The following ARFIP1 variants were observed in gnomAD, a reference collection of about 807,000 sequenced individuals.
ARFIP1 encodes arfaptin-1.
ARFIP1 carries 24 observed loss-of-function variants against 42.5 expected under a neutral mutation model. That is an observed-to-expected ratio of 0.57 (90% CI 0.41 to 0.80). The LOEUF (loss-of-function observed/expected upper bound fraction) is 0.80, where lower values mean the gene tolerates loss of function less well. ARFIP1 is among the 30% of genes least tolerant of loss of function. The pLI, the probability that ARFIP1 is intolerant of heterozygous loss-of-function variation, is 0.00. For missense variants in ARFIP1, 354 were observed against 434.0 expected (o/e 0.82, Z 1.64); for synonymous variants, 141 against 153.7 (o/e 0.92, Z 0.61).
Position 152,880,685 on chromosome 4 carries a change from C to T in ARFIP1, c.412-278C>T, listed in dbSNP as rs1332790387. ...AAATATCTCTGTTTTAGATAATCTA[C>T]CCAAATGTACTAAACTTGCAAAATA... is the stretch of plus-strand genomic sequence containing the variant. On this transcript the variant is annotated intron_variant, in intron 5 of 8. Transcript: ENST00000353617. 2.0e-5 allele frequency among the ~76,000 whole-genome samples: 3 copies of T among 152,248 alleles called. No homozygotes were observed. The South Asian group carries it at 6.2e-4, about 32-fold the overall frequency.
chr4:152,831,547 T>G (rs1045393174), intron 2 of ARFIP1, among the ~76,000 whole-genome samples: 13 of 152,338 alleles, frequency 8.5e-5, no homozygotes, highest in African/African-American at 2.9e-4. Context: ...TGTAGAACAT[T>G]TCCAGGACCT....
chr4:152,805,113 A>G (rs147779190), intron 1 of ARFIP1, among the ~76,000 whole-genome samples: 1 of 152,322 alleles, frequency 6.6e-6, no homozygotes, highest in East Asian at 1.9e-4. Flanking sequence ...AAGGTATCAA[A>G]CAAATTTTAT....
intron 2 of ARFIP1, among the ~76,000 whole-genome samples, chr4:152,858,876 A>G (rs1033686844): frequency 1.3e-5 from 2 of 152,130 alleles, no homozygotes; most frequent in African/African-American, 4.8e-5. Flanking sequence ...GGGGATTGCT[A>G]TGTTGTATGT....
At position 152,870,816 on chromosome 4, in the gene ARFIP1, C is replaced by A; in HGVS notation, c.266C>A (p.Ala89Asp). 3 of 1,614,026 alleles carry A rather than the reference C, an allele frequency of 1.9e-6. No homozygotes were observed. Among genetic ancestry groups the A allele is most frequent in the Non-Finnish European group, 2.5e-6 (3 of 1,179,914 alleles). The change falls in exon 4 of 9, where the codon GCT (alanine) becomes GAT (aspartate). Residue 89 changes from alanine to aspartate, a missense_variant. Ala to Asp is a moderately radical substitution (Grantham distance 126). Transcript: ENST00000353617. ...SPSRVAASRL[A>D]QQGSDLIVPA... ...AGCAGGGTTGCAGCTAGTCGACTGG[C>A]TCAGCAAGGAAGTGATTTAATTGTT... is the stretch of plus-strand genomic sequence containing the variant.
intron 1 of ARFIP1, among the ~76,000 whole-genome samples, chr4:152,808,639 A>G (rs1270356310): frequency 6.6e-6 from 1 of 152,074 alleles, no homozygotes; most frequent in Non-Finnish European, 1.5e-5. Flanking sequence ...CATACTGGCT[A>G]CTACTTGGTT....
rs1411743098 is a variant in ARFIP1, at chr4:152,870,857, T to C, written c.298+9T>C. Reference sequence around the variant, plus strand: ...TTTAATTGTTCCTGCAGGTATTCACTGCACTGATTGGATAAAGCACTTATT... The same window carrying C: ...TTTAATTGTTCCTGCAGGTATTCACCGCACTGATTGGATAAAGCACTTATT... On this transcript the variant is annotated intron_variant, in intron 4 of 8. Transcript: ENST00000353617. The C allele has an allele frequency of 1.9e-6, 3 of 1,601,998 alleles. No homozygotes were observed. The highest frequency in any genetic ancestry group is 1.1e-5 in the South Asian group (1 of 90,796).
chr4:152,816,264 C>G (rs2149836227), intron 1 of ARFIP1, among the ~76,000 whole-genome samples: 1 of 152,322 alleles, frequency 6.6e-6, no homozygotes, highest in South Asian at 2.1e-4. Context: ...TCATCTTACT[C>G]AGAATAAAAT....
intron 1 of ARFIP1, among the ~76,000 whole-genome samples, chr4:152,828,916 G>A (rs961389739): frequency 3.9e-5 from 6 of 152,170 alleles, no homozygotes; most frequent in Non-Finnish European, 8.8e-5. Context: ...AGATCTTTAT[G>A]TGGATTCATT....
intron 5 of ARFIP1, among the ~76,000 whole-genome samples, chr4:152,877,997 A>G (rs1735512064): frequency 6.6e-6 from 1 of 152,190 alleles, no homozygotes; most frequent in African/African-American, 2.4e-5. Flanking sequence ...AAATGGACTA[A>G]TACACTACTT....
intron 1 of ARFIP1, among the ~76,000 whole-genome samples, chr4:152,819,260 G>A (rs1176968875): frequency 2.0e-5 from 3 of 152,188 alleles, no homozygotes; most frequent in African/African-American, 7.2e-5. Context: ...TCAGGAAAGA[G>A]AAAACTGTGG....
At chr4:152,819,414 A>G (rs1482386311) in intron 1 of ARFIP1, among the ~76,000 whole-genome samples, 1 of 152,104 alleles carries the variant, frequency 6.6e-6, no homozygotes. Context: ...ATCTCCATCT[A>G]CGTCACTTCC....
intron 1 of ARFIP1, among the ~76,000 whole-genome samples, chr4:152,819,325 C>T (rs1035871601): frequency 6.6e-6 from 1 of 152,184 alleles, no homozygotes; most frequent in Non-Finnish European, 1.5e-5. Flanking sequence ...AGAAGGCCTT[C>T]AGTCTGTTCA....
chr4:152,795,151 C>T (rs879618924), intron 1 of ARFIP1, among the ~76,000 whole-genome samples: 10 of 150,882 alleles, frequency 6.6e-5, no homozygotes, highest in African/African-American at 2.2e-4. Flanking sequence ...TCTGGTTTAT[C>T]CTTCCGGTGT....
At chr4:152,840,540 A>G (rs1302702134) in intron 2 of ARFIP1, among the ~76,000 whole-genome samples, 2 of 152,106 alleles carry the variant, frequency 1.3e-5, no homozygotes, top group African/African-American at 2.4e-5. Context: ...TTGCTTTAAA[A>G]TTTGTTTTGT....
chr4:152,844,986 A>G (rs1357665321), intron 2 of ARFIP1, among the ~76,000 whole-genome samples: 1 of 152,216 alleles, frequency 6.6e-6, no homozygotes, highest in Non-Finnish European at 1.5e-5. Flanking sequence ...TAACCAAAAC[A>G]TCATGGTACT....
chr4:152,904,215 G>A (rs1294989114), intron 8 of ARFIP1, among the ~76,000 whole-genome samples: 5 of 120,540 alleles, frequency 4.1e-5, no homozygotes, highest in African/African-American at 1.4e-4. Context: ...TTTTTTTAAC[G>A]GAGTCTCGCT....
At chr4:152,854,281 C>A (rs370237261) in intron 2 of ARFIP1, among the ~76,000 whole-genome samples, 2 of 152,182 alleles carry the variant, frequency 1.3e-5, no homozygotes, top group South Asian at 4.1e-4. Flanking sequence ...TTTTGTATTT[C>A]AAGCAATGAA....
intron 2 of ARFIP1, among the ~76,000 whole-genome samples, chr4:152,860,274 C>T (rs1733781762): frequency 6.6e-6 from 1 of 152,158 alleles, no homozygotes; most frequent in South Asian, 2.1e-4. Context: ...CATTAAGTGA[C>T]TGAAGCCAGG....
In ARFIP1 at chr4:152,911,357, A is replaced by T. The variant is rs1462333343; in HGVS notation, c.*1138A>T. On this transcript the variant is annotated 3_prime_UTR_variant, in exon 9 of 9. Coordinates refer to ENST00000353617, the MANE Select transcript of ARFIP1 (RefSeq NM_001025595.3). Reference sequence around the variant, plus strand: ...TCCTTTTGAGGATTGGGAAAACAGAAAGATTCTTTGATTTGGGTAATGAAG... The same window carrying T: ...TCCTTTTGAGGATTGGGAAAACAGATAGATTCTTTGATTTGGGTAATGAAG... The T allele has an allele frequency of 6.6e-6, 1 of 152,562 alleles. No individual in the cohort carries two copies. Among genetic ancestry groups the T allele is most frequent in the African/African-American group, 2.4e-5 (1 of 41,448 alleles). 9.5% of individuals were successfully genotyped at this position (152,562 alleles called of 1,614,324 possible).
Sources: allele counts gnomAD v4.1 joint callset (sites outside exome capture counted in the v4.1 genomes callset), GRCh38; gene constraint gnomAD v4.1.1; transcripts MANE v1.5; gene names NCBI Gene and HGNC (gene_info 2026-07-23, HGNC 2026-07-21).